The following AKR1C4 variants were observed in gnomAD, a reference collection of about 807,000 sequenced individuals.
The protein encoded by AKR1C4 is aldo-keto reductase family 1 member C4.
AKR1C4 carries 44 observed loss-of-function variants against 41.0 expected under a neutral mutation model. The ratio of observed to expected loss-of-function variants is 1.07; its 90% CI spans 0.84 to 1.38. The LOEUF is 1.38. Ranked by LOEUF, AKR1C4 falls within the 40% of genes most tolerant of loss-of-function variation. The probability of loss-of-function intolerance (pLI) is 0.00; values close to 1 mark genes in which losing one functional copy is unlikely to be tolerated. For synonymous variants in AKR1C4, 165 were observed against 137.7 expected (o/e 1.20, Z -1.39); for missense variants, 438 against 387.9 (o/e 1.13, Z -1.09).
chr10:5,209,387 T>C lies in AKR1C4; in HGVS notation c.570+2990T>C, dbSNP rs576563742. On this transcript the variant is annotated intron_variant, in intron 5 of 8. Coordinates refer to ENST00000263126, the MANE Select transcript of AKR1C4 (RefSeq NM_001818.5). ...TCAATTTTAACTACAAGTTTTACTA[T>C]TCTTTACGTTTTATTATAAAAAAAT... Among the ~76,000 whole-genome samples the C allele has an allele frequency of 5.3e-5, 8 of 152,226 alleles. No individual in the cohort carries two copies. The East Asian group carries it at 1.5e-3, about 29-fold the overall frequency.
rs1832380845 is a variant in AKR1C4 at position 5,200,353 on chromosome 10, T to C, written c.252+5T>C. On this transcript the variant is annotated splice_donor_5th_base_variant and intron_variant, in intron 2 of 8. Coordinates refer to ENST00000263126, the MANE Select transcript of AKR1C4 (RefSeq NM_001818.5). ...GACATATTCTACACTTCAAAGGTAC[T>C]GTGCCTATGATGAGCATGTATGCAC... 6.2e-7 allele frequency: 1 copy of C among 1,611,362 alleles called. No individual in the cohort carries two copies. The highest frequency in any genetic ancestry group is 1.7e-5 in the Admixed American group (1 of 59,798).
intron 5 of AKR1C4, among the ~76,000 whole-genome samples, chr10:5,209,364 A>T (rs980183144): frequency 5.6e-4 from 85 of 152,216 alleles, no homozygotes; most frequent in African/African-American, 2.0e-3. Flanking sequence ...AATTACTTTC[A>T]ATTTTAACTA....
At position 5,213,044 on chromosome 10, in the gene AKR1C4, T is replaced by C; in HGVS notation, c.731T>C (p.Leu244Ser). The C allele has an allele frequency of 6.2e-7, 1 of 1,614,134 alleles. No homozygotes were observed. The highest frequency in any genetic ancestry group is 8.5e-7 in the Non-Finnish European group (1 of 1,180,016). The part of the protein sequence containing the change: ...VLLEDPVLCA[L>S]AKKHKQTPAL... Reference sequence around the variant, plus strand: ...TTGGAGGACCCAGTTCTTTGTGCCTTAGCAAAGAAACACAAACAAACCCCA... The same window carrying C: ...TTGGAGGACCCAGTTCTTTGTGCCTCAGCAAAGAAACACAAACAAACCCCA... The change falls in exon 7 of 9, where the codon TTA (leucine) becomes TCA (serine). Residue 244 changes from leucine to serine, a missense_variant. Leu to Ser is a moderately radical substitution (Grantham distance 145). Coordinates refer to ENST00000263126, the MANE Select transcript of AKR1C4 (RefSeq NM_001818.5).
chr10:5,204,161 A>C (rs1217191367), intron 2 of AKR1C4, among the ~76,000 whole-genome samples: 2 of 152,176 alleles, frequency 1.3e-5, no homozygotes, highest in Non-Finnish European at 2.9e-5. Flanking sequence ...ATTTTTACCT[A>C]CTGAAAATTT....
chr10:5,200,167 C>T lies in AKR1C4; in HGVS notation c.85-14C>T, dbSNP rs781950398. On this transcript the variant is annotated splice_polypyrimidine_tract_variant and intron_variant, in intron 1 of 8. Transcript: ENST00000263126. ...ACATTGATCACCAAATACTACCTTT[C>T]GTTGCTCCTTCAGGTTCCGAGGAAC... is the stretch of plus-strand genomic sequence containing the variant. 3.1e-6 allele frequency: 5 copies of T among 1,605,198 alleles called. No individual in the cohort carries two copies. Among genetic ancestry groups the T allele is most frequent in the Non-Finnish European group, 4.3e-6 (5 of 1,175,994 alleles).
chr10:5,204,330 C>T, intron 2 of AKR1C4, 47 bp from the exon 3 acceptor site: 1 of 1,398,742 alleles, frequency 7.1e-7, no homozygotes, highest in Non-Finnish European at 1.0e-6. Context: ...ACTAATAAAA[C>T]TAGCTCATGT....
rs549307097 is a variant in AKR1C4 at position 5,204,469 on chromosome 10, T to C, written c.345T>C (p.Leu115=). ...KLQLDYVDLY[L]LHFPMALKPG... is the part of the protein sequence containing the mutation. ...AACTGGACTATGTTGACCTCTATCT[T>C]CTTCATTTCCCAATGGCTCTCAAGG... The change falls in exon 3 of 9, where the codon CTT becomes CTC. Residue 115 remains leucine (L), a synonymous_variant. Coordinates refer to ENST00000263126, the MANE Select transcript of AKR1C4 (RefSeq NM_001818.5). The C allele has an allele frequency of 6.2e-7, 1 of 1,613,404 alleles. No individual in the cohort carries two copies. Among genetic ancestry groups the C allele is most frequent in the East Asian group, 2.2e-5 (1 of 44,862 alleles).
At chr10:5,213,237 C>T in intron 7 of AKR1C4, 78 bp downstream of exon 7, 2 of 1,567,414 alleles carry the variant, frequency 1.3e-6, no homozygotes, top group South Asian at 1.2e-5. Flanking sequence ...CTCAGGACAC[C>T]CTTGGACTAA....
intron 1 of AKR1C4, among the ~76,000 whole-genome samples, chr10:5,199,244 A>T (rs1485729722): frequency 1.3e-5 from 2 of 152,082 alleles, no homozygotes; most frequent in Admixed American, 1.3e-4. Context: ...CACGAGGATA[A>T]TGTGATTTTT....
intron 1 of AKR1C4, among the ~76,000 whole-genome samples, chr10:5,197,702 G>A (rs1588334126): frequency 6.6e-6 from 1 of 152,158 alleles, no homozygotes; most frequent in African/African-American, 2.4e-5. Flanking sequence ...TGTATTCCAA[G>A]ACTACTAAGT....
intron 5 of AKR1C4, among the ~76,000 whole-genome samples, chr10:5,208,971 C>G (rs782475660): frequency 2.0e-5 from 3 of 150,604 alleles, no homozygotes; most frequent in Non-Finnish European, 4.4e-5. Flanking sequence ...ACTTGTTGTT[C>G]CAAGTTTTTA....
intron 4 of AKR1C4, 46 bp from the exon 5 acceptor site, chr10:5,206,229 T>G: frequency 8.7e-6 from 14 of 1,613,156 alleles, no homozygotes; most frequent in Non-Finnish European, 1.2e-5. Context: ...TATCATAATC[T>G]GCAGCCAACT....
intron 1 of AKR1C4, among the ~76,000 whole-genome samples, chr10:5,197,459 G>A (rs1231357311): frequency 6.6e-6 from 1 of 152,110 alleles, no homozygotes; most frequent in East Asian, 1.9e-4. Flanking sequence ...TACTGGTCCT[G>A]GACTTAATAC....
At chr10:5,198,726 T>C (rs1233917398) in intron 1 of AKR1C4, among the ~76,000 whole-genome samples, 1 of 151,974 alleles carries the variant, frequency 6.6e-6, no homozygotes, top group Non-Finnish European at 1.5e-5. Flanking sequence ...TAATTAGGAG[T>C]GTGTATGCAG....
intron 5 of AKR1C4, chr10:5,207,506 T>C (rs1832508167): frequency 2.3e-6 from 1 of 441,962 alleles, no homozygotes; most frequent in South Asian, 1.9e-5. Context: ...AACTGAACTT[T>C]ATAAAATAGG....
At chr10:5,202,583 C>A in intron 2 of AKR1C4, 1 of 370,868 alleles carries the variant, frequency 2.7e-6, no homozygotes, top group African/African-American at 2.1e-5. Context: ...TGTCTTATTC[C>A]AGTTTTCAGG....
chr10:5,200,037 C>T, intron 1 of AKR1C4, 144 bp from the exon 2 acceptor site: 6 of 994,954 alleles, frequency 6.0e-6, no homozygotes, highest in African/African-American at 1.6e-5. Context: ...CATCTGTATG[C>T]TCCCCTAGAG....
At chr10:5,200,975 T>C (rs1209954685) in intron 2 of AKR1C4, among the ~76,000 whole-genome samples, 2 of 152,198 alleles carry the variant, frequency 1.3e-5, no homozygotes, top group African/African-American at 4.8e-5. Context: ...GATGTATATA[T>C]ATATATACCA....
chr10:5,207,774 G>C (rs1442371380), intron 5 of AKR1C4: 1 of 369,450 alleles, frequency 2.7e-6, no homozygotes, highest in African/African-American at 2.2e-5. Flanking sequence ...TATATATGTA[G>C]AATAGATTTT....
Sources: allele counts gnomAD v4.1 joint callset (sites outside exome capture counted in the v4.1 genomes callset), GRCh38; gene constraint gnomAD v4.1.1; transcripts MANE v1.5; gene names NCBI Gene and HGNC (gene_info 2026-07-23, HGNC 2026-07-21).